COL19A1: variants seen among roughly 807,000 people sequenced by gnomAD.
COL19A1 encodes collagen alpha-1(XIX) chain.
Under a neutral mutation model 190.2 loss-of-function variants are expected in COL19A1, and 159 were observed. The observed-to-expected ratio is 0.84, with a 90% confidence interval of 0.73 to 0.95. The LOEUF is 0.95. Ranked by LOEUF, COL19A1 falls within the 40% of genes least tolerant of loss-of-function variation. COL19A1 has a pLI of 0.00. For missense variants in COL19A1, 1,418 were observed against 1,431.9 expected (o/e 0.99, Z 0.16); for synonymous variants, 509 against 458.9 (o/e 1.11, Z -1.39).
intron 11 of COL19A1, among the ~76,000 whole-genome samples, chr6:69,971,064 A>G (rs1235321737): frequency 6.6e-6 from 1 of 152,248 alleles, no homozygotes; most frequent in East Asian, 1.9e-4. Context: ...ACTCTAATTT[A>G]TGTGAAATAT....
intron 16 of COL19A1, among the ~76,000 whole-genome samples, chr6:70,110,453 C>G (rs1461084716): frequency 5.3e-5 from 8 of 152,156 alleles, no homozygotes; most frequent in Admixed American, 4.6e-4. Context: ...TAAGATGACA[C>G]TTTCTCAGAT....
At chr6:69,955,522 A>AGTGTGTGTGTGT (rs60501043) in intron 9 of COL19A1, among the ~76,000 whole-genome samples, 4 of 138,874 alleles carry the variant, frequency 2.9e-5, no homozygotes, top group African/African-American at 5.4e-5. Flanking sequence ...GCCACAGCAA[A>AGTGTGTGTGTGT]GTGTGTGTGT....
At chr6:70,183,869 C>T (rs1400668398) in intron 44 of COL19A1, among the ~76,000 whole-genome samples, 1 of 152,172 alleles carries the variant, frequency 6.6e-6, no homozygotes, top group East Asian at 1.9e-4. Flanking sequence ...ATATTCCTCA[C>T]CTTGATCTTC....
intron 15 of COL19A1, among the ~76,000 whole-genome samples, chr6:70,093,218 G>T (rs1783035642): frequency 6.6e-6 from 1 of 152,124 alleles, no homozygotes; most frequent in African/African-American, 2.4e-5. Flanking sequence ...TCTCCAGTAT[G>T]GGAGTGTGCT....
At chr6:70,097,257 C>G (rs1783334092) in intron 15 of COL19A1, among the ~76,000 whole-genome samples, 1 of 152,034 alleles carries the variant, frequency 6.6e-6, no homozygotes, top group African/African-American at 2.4e-5. Context: ...GAGACAGGAT[C>G]CATGCTGGTC....
At chr6:70,074,273 C>T (rs113925047) in intron 15 of COL19A1, among the ~76,000 whole-genome samples, 8,364 of 151,944 alleles carry the variant, frequency 0.055, 732 homozygotes, top group African/African-American at 0.19. Context: ...CCAAGACGGG[C>T]GGATCACTTG....
intron 2 of COL19A1, among the ~76,000 whole-genome samples, chr6:69,880,080 A>G (rs1561957679): frequency 6.6e-6 from 1 of 152,262 alleles, no homozygotes; most frequent in African/African-American, 2.4e-5. Flanking sequence ...ATAAAAGGAA[A>G]TGTAGTTTAA....
intron 19 of COL19A1, among the ~76,000 whole-genome samples, chr6:70,139,200 A>G (rs985909390): frequency 6.6e-6 from 1 of 152,150 alleles, no homozygotes; most frequent in Non-Finnish European, 1.5e-5. Flanking sequence ...TAGGTTTGGA[A>G]GCAGGACCAG....
chr6:69,951,711 G>A (rs996269609), intron 9 of COL19A1, among the ~76,000 whole-genome samples: 1 of 151,782 alleles, frequency 6.6e-6, no homozygotes, highest in Non-Finnish European at 1.5e-5. Context: ...AATGCTATCA[G>A]GAGCCTTCTT....
At chr6:70,203,112 C>T (rs1767649266) in intron 49 of COL19A1, among the ~76,000 whole-genome samples, 1 of 152,164 alleles carries the variant, frequency 6.6e-6, no homozygotes, top group African/African-American at 2.4e-5. Flanking sequence ...GCAAATTTTC[C>T]TAACAGACGT....
intron 4 of COL19A1, among the ~76,000 whole-genome samples, chr6:69,912,422 C>A (rs528905874): frequency 6.6e-6 from 1 of 152,130 alleles, no homozygotes; most frequent in Non-Finnish European, 1.5e-5. Context: ...TCTGGGAGCC[C>A]GAAAAGTGAT....
chr6:70,165,921 T>C lies in COL19A1; in HGVS notation c.2401-20T>C, dbSNP rs755311075. The C allele has an allele frequency of 3.7e-5, 60 of 1,612,762 alleles. No homozygotes were observed. The highest frequency in any genetic ancestry group is 4.6e-5 in the Non-Finnish European group (54 of 1,179,068). ...GGTAGAAACGTCTACGCCGCTGATA[T>C]GTCTATATATCCCTTGCAGGGCAGC... On this transcript the variant is annotated intron_variant, in intron 36 of 50. Coordinates refer to ENST00000620364, the MANE Select transcript of COL19A1 (RefSeq NM_001858.6).
At chr6:70,104,481 C>A (rs2150190818) in intron 16 of COL19A1, among the ~76,000 whole-genome samples, 1 of 152,240 alleles carries the variant, frequency 6.6e-6, no homozygotes, top group Non-Finnish European at 1.5e-5. Context: ...AGTGCTAAAC[C>A]ATTAGAAACC....
intron 11 of COL19A1, among the ~76,000 whole-genome samples, chr6:69,978,941 T>C (rs1210355121): frequency 6.6e-6 from 1 of 151,766 alleles, no homozygotes; most frequent in Non-Finnish European, 1.5e-5. Flanking sequence ...GAGACTATTG[T>C]TATATGTGTA....
intron 2 of COL19A1, chr6:69,891,202 G>GC (rs1285756990): frequency 3.3e-5 from 3 of 90,236 alleles, no homozygotes; most frequent in Non-Finnish European, 6.6e-5. Flanking sequence ...CACCCAGCTA[G>GC]CAAAAAAAAA....
chr6:69,951,837 C>T (rs2150035671), intron 9 of COL19A1, among the ~76,000 whole-genome samples: 1 of 151,862 alleles, frequency 6.6e-6, no homozygotes, highest in Non-Finnish European at 1.5e-5. Context: ...AAAAACTTCC[C>T]CTAACTTGGT....
chr6:70,194,244 C>A (rs1767057376), intron 48 of COL19A1, among the ~76,000 whole-genome samples: 1 of 152,224 alleles, frequency 6.6e-6, no homozygotes. Context: ...ATTACACCCT[C>A]TAGTGAAACC....
chr6:70,207,583 G>A lies in COL19A1; in HGVS notation c.*309G>A, dbSNP rs1363154647. ...CTTCTTCAAAAGGAAATTGCATCTT[G>A]TGACTTAGTAGACTGATGATGATAT... is the stretch of plus-strand genomic sequence containing the variant. On this transcript the variant is annotated 3_prime_UTR_variant, in exon 51 of 51. Transcript: ENST00000620364. 1.1e-5 allele frequency: 2 copies of A among 174,226 alleles called. No individual in the cohort carries two copies. Among genetic ancestry groups the A allele is most frequent in the East Asian group, 3.0e-4 (2 of 6,734 alleles). 10.8% of individuals were successfully genotyped at this position (174,226 alleles called of 1,614,324 possible).
chr6:70,151,449 G>T lies in COL19A1; in HGVS notation c.2079+11G>T, dbSNP rs865877650. On this transcript the variant is annotated intron_variant, in intron 31 of 50. Transcript: ENST00000620364. ...GGTGCTTTGCTCAAGGTACTCTATT[G>T]CTATGTAAGAAATTATGTGTTAATT... 2 of 1,611,134 alleles carry T rather than the reference G, an allele frequency of 1.2e-6. No homozygotes were observed. Among genetic ancestry groups the T allele is most frequent in the East Asian group, 4.5e-5 (2 of 44,788 alleles).
Sources: gnomAD v4.1 joint callset for allele counts (sites outside exome capture counted in the v4.1 genomes callset) on GRCh38, gnomAD v4.1.1 for gene constraint, MANE v1.5 for transcripts, NCBI Gene and HGNC (gene_info 2026-07-23, HGNC 2026-07-21) for gene names.